Variants in BICRA observed in about 807,000 individuals in gnomAD.
The protein encoded by BICRA is BRD4 interacting chromatin remodeling complex associated protein, also known as BRD4-interacting chromatin-remodeling complex-associated protein.
A neutral mutation model predicts 96.9 loss-of-function variants in BICRA; 31 were observed. That is an observed-to-expected ratio of 0.32 (90% confidence interval 0.24 to 0.43). BICRA has a LOEUF of 0.43. Among genes scored for constraint, BICRA ranks in the 20% least tolerant of loss-of-function variants. The probability of loss-of-function intolerance (pLI) is 1.00; values close to 1 mark genes in which losing one functional copy is unlikely to be tolerated. For synonymous variants in BICRA, 1,350 were observed against 1,071.8 expected, an observed-to-expected ratio of 1.26 and a Z score of -5.07; for missense variants, 2,283 against 2,190.3, an observed-to-expected ratio of 1.04 and a Z score of -0.84.
intron 1 of BICRA, among the ~76,000 whole-genome samples, chr19:47,620,137 C>T (rs1972043599): frequency 6.6e-6 from 1 of 152,086 alleles, no homozygotes; most frequent in African/African-American, 2.4e-5. Context: ...GGAGTGTCTT[C>T]CTTTAAGAAA....
At chr19:47,656,108 A>ACACG (rs1395595593) in intron 1 of BICRA, among the ~76,000 whole-genome samples, 2 of 129,088 alleles carry the variant, frequency 1.5e-5, no homozygotes, top group Non-Finnish European at 3.3e-5. Context: ...ACACACACAC[A>ACACG]CACTCTGAAT....
intron 1 of BICRA, among the ~76,000 whole-genome samples, chr19:47,670,074 C>G (rs1367442513): frequency 1.3e-5 from 2 of 152,132 alleles, no homozygotes; most frequent in Non-Finnish European, 2.9e-5. Flanking sequence ...GCCTCAGCCT[C>G]TCAAGTAACT....
rs1330018167 is a variant in BICRA at position 47,681,119 on chromosome 19, C to T, written c.1949C>T (p.Ala650Val). Residue 650 changes from alanine (A) to valine (V), a missense_variant, in exon 6 of 15, where the codon GCC (alanine) becomes GTC (valine). Transcript: ENST00000594866. The part of the protein sequence containing the change: ...QQPQAQQPPQ[A>V]PTPQAAAPPQ... The stretch of plus-strand genomic sequence containing the variant: ...CCGCAGGCGCAGCAGCCCCCGCAGG[C>T]CCCCACCCCACAGGCCGCCGCCCCG... The T allele has an allele frequency of 3.4e-6, 5 of 1,472,232 alleles. No homozygotes were observed. The African/African-American group carries it at 4.2e-5, about 12-fold the overall frequency. The allele number at this position is 1,472,232 out of a possible 1,614,324, so 91.2% of individuals were successfully genotyped here. A position where few individuals can be genotyped will look rare whatever the true frequency, so the allele number is the denominator to read the frequency against.
At chr19:47,693,527 C>T (rs1428512100) in intron 7 of BICRA, among the ~76,000 whole-genome samples, 1 of 152,228 alleles carries the variant, frequency 6.6e-6, no homozygotes, top group African/African-American at 2.4e-5. Flanking sequence ...CCAGGCCTGT[C>T]CCTGTGTGGC....
chr19:47,697,681 TTGGCCAGTCTGGTCTTGAACTTC>T, intron 11 of BICRA, among the ~76,000 whole-genome samples: 1 of 152,046 alleles, frequency 6.6e-6, no homozygotes, highest in Non-Finnish European at 1.5e-5. Context: ...TTTCATTATG[TTGGCCAGTCTGGTCTTGAACTTC>T]TGGCCTCAGG....
At position 47,694,334 on chromosome 19, in the gene BICRA, T is replaced by C; in HGVS notation, c.2503T>C (p.Phe835Leu). Reference sequence around the variant, plus strand: ...GGCCCCCCCAACTCTGCCTGGCATCTTTGTCATCCAAAACCAGCTAGGCGT... The same window carrying C: ...GGCCCCCCCAACTCTGCCTGGCATCCTTGTCATCCAAAACCAGCTAGGCGT... ...PQAPPTLPGIFVIQNQLGVPP... is the reference protein window; with the variant it reads ...PQAPPTLPGILVIQNQLGVPP... The change falls in exon 8 of 15, where the codon TTT becomes CTT. Residue 835 changes from phenylalanine (F) to leucine (L), a missense_variant. Physicochemically the swap from Phe to Leu is conservative, Grantham distance 22 (BLOSUM62 0). Coordinates refer to ENST00000594866, the MANE Select transcript of BICRA (RefSeq NM_001394372.1). 3.4e-6 allele frequency: 3 copies of C among 893,556 alleles called. No homozygotes were observed. The highest frequency in any genetic ancestry group is 4.8e-6 in the Non-Finnish European group (3 of 620,196). The allele number at this position is 893,556 out of a possible 1,614,324, so 55.4% of individuals were successfully genotyped here. A position where few individuals can be genotyped will look rare whatever the true frequency, so the allele number is the denominator to read the frequency against.
At chr19:47,658,555 C>T (rs1457564366) in intron 1 of BICRA, among the ~76,000 whole-genome samples, 1 of 146,372 alleles carries the variant, frequency 6.8e-6, no homozygotes, top group Non-Finnish European at 1.5e-5. Context: ...TTGCTTGAAC[C>T]GGGGAGGCAG....
chr19:47,680,023 G>A lies in BICRA; in HGVS notation c.853G>A (p.Ala285Thr). 2.0e-6 allele frequency: 3 copies of A among 1,535,456 alleles called. No homozygotes were observed. The highest frequency in any genetic ancestry group is 1.7e-6 in the Non-Finnish European group (2 of 1,151,768). Residue 285 changes from alanine to threonine, a missense_variant, in exon 6 of 15, where the codon GCT becomes ACT. Coordinates refer to ENST00000594866, the MANE Select transcript of BICRA (RefSeq NM_001394372.1). ...LASAGVSPQG[A>T]GLVIQKNLSA... ...GTCGGCCGGTGTCTCGCCACAGGGGGCTGGCCTGGTCATCCAGAAGAACCT... is the reference window on the plus strand; with the variant it reads ...GTCGGCCGGTGTCTCGCCACAGGGGACTGGCCTGGTCATCCAGAAGAACCT...
rs1323312815 is a variant in BICRA, at chr19:47,699,570, C to T, written c.3595+165C>T. 6.6e-6 allele frequency among the ~76,000 whole-genome samples: 1 copy of T among 152,142 alleles called. No homozygotes were observed. The highest frequency in any genetic ancestry group is 2.4e-5 in the African/African-American group (1 of 41,418). On this transcript the variant is annotated intron_variant, in intron 14 of 14. Transcript: ENST00000594866. The surrounding 1 kb of genome is among the most constrained non-coding windows in gnomAD (Gnocchi z 5.0). ...TGCTGGCAGCTGTGCCTCCCCTGAC[C>T]TCCCGCCTCTCAGACCAGATAGCCC...
chr19:47,687,835 A>AAC (rs1199462535), intron 7 of BICRA, among the ~76,000 whole-genome samples: 1 of 151,700 alleles, frequency 6.6e-6, no homozygotes, highest in Non-Finnish European at 1.5e-5. Context: ...AAAAAAAAAA[A>AAC]AAACTTGCAC....
intron 1 of BICRA, among the ~76,000 whole-genome samples, chr19:47,610,113 G>A (rs1971878589): frequency 6.6e-6 from 1 of 152,238 alleles, no homozygotes. Context: ...CCCTTTCCCC[G>A]GGGTGAGCCC....
At chr19:47,653,529 C>G (rs1267587532) in intron 1 of BICRA, among the ~76,000 whole-genome samples, 1 of 152,190 alleles carries the variant, frequency 6.6e-6, no homozygotes, top group African/African-American at 2.4e-5. Flanking sequence ...TCCCTCCCCG[C>G]AGTCCTTAGC....
chr19:47,616,761 T>C (rs1971990978), intron 1 of BICRA, among the ~76,000 whole-genome samples: 1 of 152,138 alleles, frequency 6.6e-6, no homozygotes, highest in Non-Finnish European at 1.5e-5. Context: ...GGAAGCTTTT[T>C]AGGATAGGAC....
In BICRA at chr19:47,699,192, G is replaced by A; in HGVS notation, c.3493-111G>A. 1.1e-6 allele frequency: 1 copy of A among 881,132 alleles called. No individual in the cohort carries two copies. The highest frequency in any genetic ancestry group is 1.8e-6 in the Non-Finnish European group (1 of 541,462). 54.6% of individuals were successfully genotyped at this position (881,132 alleles called of 1,614,324 possible). The stretch of plus-strand genomic sequence containing the variant: ...CGGGAGGGAGGTTGGGAGGGAGGCG[G>A]GAGCTCCCATCACAAGGACAGTTTG... On this transcript the variant is annotated intron_variant, in intron 13 of 14. Transcript: ENST00000594866. This position sits in a 1 kb window ranked among gnomAD's most constrained non-coding sequence, Gnocchi z 5.0.
chr19:47,656,602 G>A (rs1438180833), intron 1 of BICRA, among the ~76,000 whole-genome samples: 1 of 151,986 alleles, frequency 6.6e-6, no homozygotes, highest in African/African-American at 2.4e-5. Flanking sequence ...TTGCACAGGG[G>A]TTTTTTTTCT....
chr19:47,646,242 C>G (rs1599811923), intron 1 of BICRA, among the ~76,000 whole-genome samples: 1 of 152,240 alleles, frequency 6.6e-6, no homozygotes, highest in South Asian at 2.1e-4. Context: ...GCTTGTGTCC[C>G]CAGACCTGGG....
At chr19:47,630,653 A>G (rs544633926) in intron 1 of BICRA, among the ~76,000 whole-genome samples, 31 of 152,252 alleles carry the variant, frequency 2.0e-4, no homozygotes, top group African/African-American at 7.0e-4. Context: ...TGGTTTACCT[A>G]TTCTGCCATC....
intron 1 of BICRA, among the ~76,000 whole-genome samples, chr19:47,664,495 A>G (rs1197722199): frequency 6.6e-6 from 1 of 152,164 alleles, no homozygotes; most frequent in Admixed American, 6.5e-5. Flanking sequence ...TTCTGGTCCC[A>G]TGGTGCGATC....
chr19:47,659,986 T>C (rs1972681368), intron 1 of BICRA, among the ~76,000 whole-genome samples: 1 of 152,198 alleles, frequency 6.6e-6, no homozygotes, highest in Admixed American at 6.5e-5. Context: ...TTCTATACTC[T>C]GTACGTATTG....
Sources: allele counts gnomAD v4.1 joint callset (sites outside exome capture counted in the v4.1 genomes callset), GRCh38; gene constraint gnomAD v4.1.1; non-coding constraint Gnocchi (gnomAD v3.1); transcripts MANE v1.5; gene names NCBI Gene and HGNC (gene_info 2026-07-23, HGNC 2026-07-21).